ELAC2: variants seen among roughly 807,000 people sequenced by gnomAD.
ELAC2 encodes elaC ribonuclease Z 2.
A neutral mutation model predicts 105.2 loss-of-function variants in ELAC2; 92 were observed. The ratio of observed to expected loss-of-function variants is 0.87; its 90% confidence interval spans 0.74 to 1.04. ELAC2 has a LOEUF of 1.04. ELAC2 is among the 50% of genes least tolerant of loss of function. ELAC2 has a pLI of 0.00. For synonymous variants in ELAC2, 468 were observed against 409.1 expected (o/e 1.14, Z -1.74); for missense variants, 1,099 against 1,071.7 (o/e 1.03, Z -0.36).
chr17:12,994,659 G>T lies in ELAC2; in HGVS notation c.2029+105C>A, dbSNP rs865979216. 4.4e-6 allele frequency: 7 copies of T among 1,607,740 alleles called. No homozygotes were observed. The African/African-American group carries it at 6.7e-5, about 15-fold the overall frequency. On this transcript the variant is annotated intron_variant, in intron 21 of 23. Transcript: ENST00000338034. ...AGAGACTCTGAGGGTGGGGACCTGA[G>T]TCTCCTGCCTCTGCTGACGTTTCCC...
chr17:12,994,812 C>G lies in ELAC2; in HGVS notation c.1981G>C (p.Val661Leu), dbSNP rs747446525. 2 of 1,614,074 alleles carry G rather than the reference C, an allele frequency of 1.2e-6. No individual in the cohort carries two copies. The highest frequency in any genetic ancestry group is 2.2e-5 in the South Asian group (2 of 91,080). The change falls in exon 21 of 24, where the codon GTG becomes CTG. Residue 661 changes from valine (V) to leucine (L), a missense_variant. Val to Leu is a conservative substitution (Grantham distance 32, BLOSUM62 1). Coordinates refer to ENST00000338034, the MANE Select transcript of ELAC2 (RefSeq NM_018127.7). ...CALVHTSGWK[V>L]VYSGDTMPCE... ...GGCATGGTGTCCCCGGAATAGACCA[C>G]TTTCCAGCCAGAGGTGTGCACCAGC...
At chr17:12,997,148 G>C (rs1302638818) in intron 16 of ELAC2, among the ~76,000 whole-genome samples, 2 of 152,090 alleles carry the variant, frequency 1.3e-5, no homozygotes, top group African/African-American at 4.8e-5. Flanking sequence ...TGTCCTCAAA[G>C]ACACCTGGTG....
rs558914855 is a variant in ELAC2, at chr17:13,014,121, G to A, written c.490+318C>T. Among the ~76,000 whole-genome samples, 9 of 151,882 alleles carry A rather than the reference G, an allele frequency of 5.9e-5. No individual in the cohort carries two copies. The South Asian group carries it at 8.3e-4, about 14-fold the overall frequency. On this transcript the variant is annotated intron_variant, in intron 5 of 23. Transcript: ENST00000338034. The stretch of plus-strand genomic sequence containing the variant: ...ATCCTGGCCAACATGGTGAAACCCC[G>A]TCTCTACTAAAAATACAAAAAATTA...
rs544551424 is a variant in ELAC2, at chr17:13,017,853, G to C, written c.95C>G (p.Pro32Arg). ...CAGGTGCCGCAGCGGGTCCTTGCGC[G>C]GCCGCTCGCGGCGGGCGGGTGCCTG... ...ISQAPARRERPRKDPLRHLRT... is the reference protein window; with the variant it reads ...ISQAPARRERRRKDPLRHLRT... Residue 32 changes from proline (P) to arginine (R), a missense_variant, in exon 1 of 24, where the codon CCG (proline) becomes CGG (arginine). By Grantham distance (103) the Pro-to-Arg change is moderately radical (BLOSUM62 -2). Transcript: ENST00000338034. The C allele has an allele frequency of 2.7e-4, 427 of 1,565,726 alleles. 2 individuals carry two copies. The Admixed American group carries it at 5.8e-3, about 21-fold the overall frequency.
chr17:13,005,158 C>T, intron 10 of ELAC2, 57 bp from the exon 11 acceptor site: 1 of 1,277,714 alleles, frequency 7.8e-7, no homozygotes, highest in Non-Finnish European at 1.1e-6. Flanking sequence ...CCAAACTGAA[C>T]TGCCTTCAAG....
At chr17:12,994,705 C>T in intron 21 of ELAC2, 59 bp downstream of exon 21, 2 of 1,612,808 alleles carry the variant, frequency 1.2e-6, no homozygotes, top group Admixed American at 1.7e-5. Context: ...CCTGCATTCA[C>T]CTCCAGCTAC....
intron 6 of ELAC2, among the ~76,000 whole-genome samples, chr17:13,012,709 A>C (rs759893092): frequency 7.2e-5 from 11 of 152,204 alleles, no homozygotes; most frequent in Non-Finnish European, 1.2e-4. Context: ...CCAGACATGA[A>C]TGTCTTTAGC....
intron 23 of ELAC2, 96 bp from the exon 24 acceptor site, chr17:12,993,141 G>A (rs1045782172): frequency 2.9e-5 from 37 of 1,269,016 alleles, no homozygotes; most frequent in Admixed American, 2.3e-4. Context: ...ACACAGCAGC[G>A]CCAACGCCCC....
chr17:13,000,373 G>A, intron 14 of ELAC2, 99 bp from the exon 15 acceptor site: 1 of 1,129,036 alleles, frequency 8.9e-7, no homozygotes, highest in Non-Finnish European at 1.3e-6. Context: ...GGGACAATCT[G>A]CAGGAAGTTC....
In ELAC2 at chr17:13,011,701, T is replaced by A; in HGVS notation, c.641A>T (p.Asp214Val). The change falls in exon 7 of 24, where the codon GAC (aspartate) becomes GTC (valine). Residue 214 changes from aspartate (D) to valine (V), a missense_variant. Transcript: ENST00000338034. Reference protein sequence around the residue: ...LSRLSPERSSDSESNENEPHL... With the variant: ...LSRLSPERSSVSESNENEPHL... ...TGGCTCATTTTCATTCGACTCGGAGTCTGAAGATCGCTCTGGACTGAGCCT... is the reference window on the plus strand; with the variant it reads ...TGGCTCATTTTCATTCGACTCGGAGACTGAAGATCGCTCTGGACTGAGCCT... The A allele has an allele frequency of 6.2e-7, 1 of 1,614,092 alleles. No individual in the cohort carries two copies. Among genetic ancestry groups the A allele is most frequent in the South Asian group, 1.1e-5 (1 of 91,084 alleles).
chr17:13,002,165 A>G, intron 14 of ELAC2, 109 bp downstream of exon 14: 2 of 1,164,232 alleles, frequency 1.7e-6, no homozygotes, highest in Non-Finnish European at 2.5e-6. Context: ...TAGTTACAAC[A>G]GAGACCATAT....
intron 19 of ELAC2, 131 bp downstream of exon 19, chr17:12,995,572 T>C (rs1376670836): frequency 1.5e-5 from 13 of 843,932 alleles, no homozygotes; most frequent in Non-Finnish European, 2.5e-5. Context: ...CCCCTGCTTC[T>C]GCCATCTGGG....
rs4792312 is a variant in ELAC2 at position 13,014,792 on chromosome 17, A to G, written c.433-296T>C. 0.19 allele frequency among the ~76,000 whole-genome samples: 28,534 copies of G among 152,084 alleles called. 2,714 individuals are homozygous for G. The highest frequency in any genetic ancestry group is 0.22 in the African/African-American group (9,112 of 41,460). ...CTAAGTGCTCTGCAAGGAAAATGAAAAATACAGAAGGCTGGGATCCAACTT... is the reference window on the plus strand; with the variant it reads ...CTAAGTGCTCTGCAAGGAAAATGAAGAATACAGAAGGCTGGGATCCAACTT... On this transcript the variant is annotated intron_variant, in intron 4 of 23. Transcript: ENST00000338034.
chr17:13,015,134 G>C (rs4792314), intron 4 of ELAC2, among the ~76,000 whole-genome samples: 1 of 152,102 alleles, frequency 6.6e-6, no homozygotes, highest in South Asian at 2.1e-4. Context: ...TTTCTGTCTT[G>C]AAGTGACCTC....
Position 12,995,832 on chromosome 17 carries a change from T to G in ELAC2, c.1699-20A>C. 6.2e-7 allele frequency: 1 copy of G among 1,600,744 alleles called. No homozygotes were observed. The highest frequency in any genetic ancestry group is 1.1e-5 in the South Asian group (1 of 88,858). On this transcript the variant is annotated intron_variant, in intron 18 of 23. Transcript: ENST00000338034. ...AGATGCCTGGAACAAAAAATGCAAG[T>G]GCCGACTCGACGACAGAACATCTCA... is the stretch of plus-strand genomic sequence containing the variant.
intron 8 of ELAC2, 21 bp from the exon 9 acceptor site, chr17:13,006,000 A>C (rs1220891012): frequency 1.2e-6 from 2 of 1,612,514 alleles, no homozygotes; most frequent in East Asian, 4.5e-5. Context: ...GAGAACATAG[A>C]TGTGATCTTA....
At position 12,992,667 on chromosome 17, in the gene ELAC2, G is replaced by C. The variant is rs1044564; in HGVS notation, c.*151C>G. The stretch of plus-strand genomic sequence containing the variant: ...TCTATAGACTAGTGCTTATGTGGGA[G>C]CCCAAGCCTCGGCACAGCTCCATAC... On this transcript the variant is annotated 3_prime_UTR_variant, in exon 24 of 24. Transcript: ENST00000338034. 0.59 allele frequency: 532,300 copies of C among 895,568 alleles called. 159,812 individuals carry two copies. The highest frequency in any genetic ancestry group is 0.63 in the Non-Finnish European group (363,909 of 581,762). 55.5% of individuals were successfully genotyped at this position (895,568 alleles called of 1,614,324 possible). A position where few individuals can be genotyped will look rare whatever the true frequency, so the allele number is the denominator to read the frequency against.
At chr17:13,010,160 G>T (rs1207706717) in intron 8 of ELAC2, among the ~76,000 whole-genome samples, 1 of 149,866 alleles carries the variant, frequency 6.7e-6, no homozygotes, top group Non-Finnish European at 1.5e-5. Flanking sequence ...CTCATTGCCA[G>T]TGTCATTTCT....
In ELAC2 at chr17:13,017,232, T is replaced by C. The variant is rs527321369; in HGVS notation, c.246-111A>G. 4.8e-4 allele frequency: 570 copies of C among 1,188,804 alleles called. 1 individual carries two copies. Among genetic ancestry groups the C allele is most frequent in the Non-Finnish European group, 6.6e-4 (535 of 807,564 alleles). The allele number at this position is 1,188,804 out of a possible 1,614,324, so 73.6% of individuals were successfully genotyped here. On this transcript the variant is annotated intron_variant, in intron 1 of 23. Transcript: ENST00000338034. The stretch of plus-strand genomic sequence containing the variant: ...TGGAAAAAAAAAAAAGAAAAAAAAA[T>C]TAAAAGTCCACGTTGGACTACCGAG...
Sources: allele counts gnomAD v4.1 joint callset (sites outside exome capture counted in the v4.1 genomes callset), GRCh38; gene constraint gnomAD v4.1.1; transcripts MANE v1.5; gene names NCBI Gene and HGNC (gene_info 2026-07-23, HGNC 2026-07-21).